The following RNF2 variants were observed in gnomAD, a reference collection of about 807,000 sequenced individuals.
RNF2 encodes ring finger protein 2, also known as E3 ubiquitin-protein ligase RING2.
Under a neutral mutation model 37.2 loss-of-function variants are expected in RNF2, and 6 were observed. The observed-to-expected ratio is 0.16, with a 90% CI of 0.09 to 0.32. The LOEUF is 0.32. Ranked by LOEUF, RNF2 falls within the 10% of genes least tolerant of loss-of-function variation. The pLI, the probability that RNF2 is intolerant of heterozygous loss-of-function variation, is 1.00. For missense variants in RNF2, 251 were observed against 404.0 expected, an observed-to-expected ratio of 0.62 and a Z score of 3.25; for synonymous variants, 133 against 132.7, an observed-to-expected ratio of 1.00 and a Z score of -0.02.
intron 1 of RNF2, among the ~76,000 whole-genome samples, chr1:185,054,426 C>T (rs1650367390): frequency 1.3e-5 from 2 of 152,178 alleles, no homozygotes; most frequent in African/African-American, 4.8e-5. Context: ...TGTCCTGGGG[C>T]ACGTCTGGTG....
At chr1:185,100,096 A>G (rs1652035152) in intron 6 of RNF2, 104 bp from the exon 7 acceptor site, 3 of 1,209,734 alleles carry the variant, frequency 2.5e-6, no homozygotes, top group African/African-American at 3.1e-5. Flanking sequence ...AGTTATTCCT[A>G]AGATTTGAAA....
In RNF2 at chr1:185,097,245, TAGAG is replaced by T. The variant is rs1457952477; in HGVS notation, c.465-824_465-821del. ...AATTAGCTTTAGTATCTGAGCTTGTTAGAGAGCAGCTTCTGTGTCCACGTTGGTT... is the reference window on the plus strand; with the variant it reads ...AATTAGCTTTAGTATCTGAGCTTGTTAGCAGCTTCTGTGTCCACGTTGGTT... On this transcript the variant is annotated intron_variant, in intron 4 of 6. Transcript: ENST00000367510. Among the ~76,000 whole-genome samples, 15 of 152,328 alleles carry T rather than the reference TAGAG, an allele frequency of 9.8e-5. No homozygotes were observed. The South Asian group carries it at 2.9e-3, about 29-fold the overall frequency.
At chr1:185,087,338 A>T (rs1651631390) in intron 1 of RNF2, among the ~76,000 whole-genome samples, 1 of 152,192 alleles carries the variant, frequency 6.6e-6, no homozygotes, top group Non-Finnish European at 1.5e-5. Flanking sequence ...TGGAAGGGCC[A>T]AAAGTTTCCA....
At chr1:185,045,870 C>T (rs1170646817) in intron 1 of RNF2, among the ~76,000 whole-genome samples, 1 of 152,126 alleles carries the variant, frequency 6.6e-6, no homozygotes, top group Non-Finnish European at 1.5e-5. Context: ...CTTCGAGGGT[C>T]GTGGGAGGGA....
chr1:185,061,462 C>T (rs143816342), intron 1 of RNF2, among the ~76,000 whole-genome samples: 1 of 152,066 alleles, frequency 6.6e-6, no homozygotes, highest in East Asian at 1.9e-4. Flanking sequence ...CACAAAACCC[C>T]GAATGTGCAG....
chr1:185,094,120 CT>C (rs1317020566), intron 4 of RNF2, among the ~76,000 whole-genome samples: 1 of 151,428 alleles, frequency 6.6e-6, no homozygotes, highest in Non-Finnish European at 1.5e-5. Flanking sequence ...AAGCCAAAAA[CT>C]TTGGAGTCAG....
intron 1 of RNF2, among the ~76,000 whole-genome samples, chr1:185,058,370 G>A (rs1650496726): frequency 6.6e-6 from 1 of 152,154 alleles, no homozygotes; most frequent in Admixed American, 6.5e-5. Flanking sequence ...ACTGTACTCT[G>A]TAATTTTGTG....
At chr1:185,076,292 TTTTTTTTTTTTTTTTTG>T (rs1651158731) in intron 1 of RNF2, among the ~76,000 whole-genome samples, 1 of 74,744 alleles carries the variant, frequency 1.3e-5, no homozygotes, top group African/African-American at 4.8e-5. Flanking sequence ...TTTTTTTTTT[TTTTTTTTTTTTTTTTTG>T]AGACAGAGTC....
intron 2 of RNF2, among the ~76,000 whole-genome samples, chr1:185,088,244 A>G (rs890856513): frequency 2.6e-5 from 4 of 152,190 alleles, no homozygotes; most frequent in Admixed American, 2.0e-4. Flanking sequence ...AGCTGTTTCA[A>G]CATTTAGAAA....
At chr1:185,093,875 T>G (rs1457961062) in intron 4 of RNF2, among the ~76,000 whole-genome samples, 1 of 152,188 alleles carries the variant, frequency 6.6e-6, no homozygotes, top group African/African-American at 2.4e-5. Flanking sequence ...CTCTTTTCAA[T>G]ACAAAATCTG....
chr1:185,088,971 A>G (rs1229657779), intron 2 of RNF2, among the ~76,000 whole-genome samples: 2 of 149,936 alleles, frequency 1.3e-5, no homozygotes, highest in African/African-American at 2.5e-5. Flanking sequence ...TGTATTAAGT[A>G]TTAAAGTAAT....
rs79402558 is a variant in RNF2 at position 185,076,480 on chromosome 1, C to T, written c.-2-11072C>T. Among the ~76,000 whole-genome samples the T allele has an allele frequency of 9.3e-5, 14 of 150,142 alleles. No homozygotes were observed. The East Asian group carries it at 1.9e-3, about 21-fold the overall frequency. The stretch of plus-strand genomic sequence containing the variant: ...TAATTTTTTGTATTTTTAGTAGAGA[C>T]GGGATTTTACCGTGTTAGCCAGGAC... On this transcript the variant is annotated intron_variant, in intron 1 of 6. Transcript: ENST00000367510.
intron 1 of RNF2, among the ~76,000 whole-genome samples, chr1:185,064,271 T>TGGATA (rs951391603): frequency 1.1e-4 from 17 of 152,244 alleles, no homozygotes; most frequent in African/African-American, 2.4e-5. Flanking sequence ...GAATGTAGGT[T>TGGATA]GGATAGGATA....
intron 1 of RNF2, among the ~76,000 whole-genome samples, chr1:185,048,617 G>A (rs1269391079): frequency 6.6e-6 from 1 of 152,186 alleles, no homozygotes; most frequent in African/African-American, 2.4e-5. Flanking sequence ...TGAAAAACAT[G>A]TAAGCATTTT....
At chr1:185,059,803 A>G (rs572687127) in intron 1 of RNF2, among the ~76,000 whole-genome samples, 5 of 152,350 alleles carry the variant, frequency 3.3e-5, no homozygotes, top group African/African-American at 9.6e-5. Context: ...TTATCTCTAG[A>G]AATGAATTCC....
chr1:185,053,228 G>T lies in RNF2; in HGVS notation c.-3+7579G>T, dbSNP rs565623366. 1.5e-4 allele frequency among the ~76,000 whole-genome samples: 23 copies of T among 152,130 alleles called. No individual in the cohort carries two copies. The South Asian group carries it at 4.6e-3, about 30-fold the overall frequency. On this transcript the variant is annotated intron_variant, in intron 1 of 6. Coordinates refer to ENST00000367510, the MANE Select transcript of RNF2 (RefSeq NM_007212.4). The stretch of plus-strand genomic sequence containing the variant: ...TTCCCATAAAAAAATCCCCTTCATA[G>T]TCTCCCCACATTCCATGCCTTCTAG...
chr1:185,047,688 T>C (rs945652636), intron 1 of RNF2, among the ~76,000 whole-genome samples: 1 of 152,226 alleles, frequency 6.6e-6, no homozygotes, highest in Non-Finnish European at 1.5e-5. Flanking sequence ...ATGGCAGTGT[T>C]TCTAGTATGA....
chr1:185,087,770 G>T, intron 2 of RNF2, 130 bp downstream of exon 2: 1 of 683,494 alleles, frequency 1.5e-6, no homozygotes, highest in Non-Finnish European at 2.6e-6. Flanking sequence ...ACTTCTGTAT[G>T]TTGGCTAACA....
rs768356678 is a variant in RNF2, at chr1:185,101,832, G to GTTTTTTTTTT, written c.*1544_*1553dup. 171 of 97,874 alleles carry GTTTTTTTTTT rather than the reference G, an allele frequency of 1.7e-3. No individual in the cohort carries two copies. The highest frequency in any genetic ancestry group is 2.1e-3 in the African/African-American group (52 of 24,666). The allele number at this position is 97,874 out of a possible 1,614,324, so 6.1% of individuals were successfully genotyped here. On this transcript the variant is annotated 3_prime_UTR_variant, in exon 7 of 7. Coordinates refer to ENST00000367510, the MANE Select transcript of RNF2 (RefSeq NM_007212.4). Reference sequence around the variant, plus strand: ...AATATTTAAAATCTGTTTTTACAGGGTTTTTTTTTTTTTTTTTTTTTTGTA... The same window carrying GTTTTTTTTTT: ...AATATTTAAAATCTGTTTTTACAGGGTTTTTTTTTTTTTTTTTTTTTTTTTTTTTTTTGTA...
Sources: gnomAD v4.1 joint callset for allele counts (sites outside exome capture counted in the v4.1 genomes callset) on GRCh38, gnomAD v4.1.1 for gene constraint, MANE v1.5 for transcripts, NCBI Gene and HGNC (gene_info 2026-07-23, HGNC 2026-07-21) for gene names.